CIDEA: variants seen among roughly 807,000 people sequenced by gnomAD.
The protein encoded by CIDEA is cell death inducing DFFA like effector a, also known as lipid transferase CIDEA.
In CIDEA, 10 loss-of-function variants were observed where a neutral mutation model predicts 18.2. The observed-to-expected ratio is 0.55, with a 90% confidence interval of 0.34 to 0.93. The LOEUF is 0.93. Among genes scored for constraint, CIDEA ranks in the 40% least tolerant of loss-of-function variants. The pLI is 0.02. For missense variants in CIDEA, 309 were observed against 293.1 expected (o/e 1.05, Z -0.40); for synonymous variants, 128 against 124.8 (o/e 1.03, Z -0.17).
chr18:12,273,621 C>T lies in CIDEA; in HGVS notation c.331-472C>T, dbSNP rs183488782. Reference sequence around the variant, plus strand: ...TGCTCTGGGAAGGTGCCCACTCTGCCCTCACTTCAGCCATATGATTCTGGT... The same window carrying T: ...TGCTCTGGGAAGGTGCCCACTCTGCTCTCACTTCAGCCATATGATTCTGGT... On this transcript the variant is annotated intron_variant, in intron 3 of 4. Coordinates refer to ENST00000320477, the MANE Select transcript of CIDEA (RefSeq NM_001279.4). Among the ~76,000 whole-genome samples the T allele has an allele frequency of 2.6e-5, 4 of 152,272 alleles. No individual in the cohort carries two copies. In the South Asian group the frequency reaches 6.2e-4, roughly 24 times the overall value.
chr18:12,277,199 C>T lies in CIDEA; in HGVS notation c.589C>T (p.Arg197Trp), dbSNP rs763618813. The T allele has an allele frequency of 5.7e-5, 92 of 1,614,070 alleles. No individual in the cohort carries two copies. The highest frequency in any genetic ancestry group is 7.0e-5 in the Non-Finnish European group (83 of 1,180,056). ...CATCTATCTGGGCACATACATGCTC[C>T]GGGTGCTGGATGACAAGGAAGAGCG... ...FLIYLGTYML[R>W]VLDDKEERPS... The change falls in exon 5 of 5, where the codon CGG becomes TGG. Residue 197 changes from arginine to tryptophan, a missense_variant. Physicochemically the swap from Arg to Trp is moderately radical, Grantham distance 101. Transcript: ENST00000320477.
intron 1 of CIDEA, among the ~76,000 whole-genome samples, chr18:12,258,952 C>G (rs1458446150): frequency 1.3e-5 from 2 of 152,202 alleles, no homozygotes; most frequent in Admixed American, 6.5e-5. Flanking sequence ...ACCGCCCTCT[C>G]CCCCCGGGTC....
At chr18:12,265,325 T>C (rs1912319293) in intron 3 of CIDEA, among the ~76,000 whole-genome samples, 1 of 152,258 alleles carries the variant, frequency 6.6e-6, no homozygotes, top group Non-Finnish European at 1.5e-5. Flanking sequence ...GGTTAAAATG[T>C]TGAGGCCAGC....
chr18:12,260,341 A>C (rs962912653), intron 1 of CIDEA, among the ~76,000 whole-genome samples: 33 of 149,784 alleles, frequency 2.2e-4, no homozygotes, highest in African/African-American at 7.8e-4. Context: ...ACGCCTGACT[A>C]ATTTTTTTTT....
At chr18:12,274,369 C>A in intron 4 of CIDEA, 95 bp downstream of exon 4, 1 of 1,204,204 alleles carries the variant, frequency 8.3e-7, no homozygotes, top group Middle Eastern at 2.1e-4. Flanking sequence ...GGCTCCCAGG[C>A]CGGCTAGCAC....
chr18:12,254,601 C>T (rs1386645801), intron 1 of CIDEA, 180 bp downstream of exon 1: 1 of 1,528,276 alleles, frequency 6.5e-7, no homozygotes, highest in African/African-American at 1.4e-5. Context: ...GTGCCCAAGC[C>T]GTCCAGCCGC....
intron 1 of CIDEA, among the ~76,000 whole-genome samples, chr18:12,260,568 T>C (rs1912162934): frequency 1.3e-5 from 2 of 152,224 alleles, no homozygotes; most frequent in Non-Finnish European, 2.9e-5. Flanking sequence ...TTAAGTTAGA[T>C]AATATACTAT....
intron 1 of CIDEA, among the ~76,000 whole-genome samples, chr18:12,262,115 T>A (rs1912209895): frequency 6.6e-6 from 1 of 151,948 alleles, no homozygotes; most frequent in Non-Finnish European, 1.5e-5. Flanking sequence ...TGCAGTAAGT[T>A]GAGATCACAC....
intron 1 of CIDEA, among the ~76,000 whole-genome samples, chr18:12,261,666 C>T (rs1010011638): frequency 3.3e-5 from 5 of 151,990 alleles, no homozygotes; most frequent in Non-Finnish European, 5.9e-5. Context: ...TAGGTTCATC[C>T]GGGCTCAAGC....
At chr18:12,264,835 G>T (rs906300907) in intron 3 of CIDEA, among the ~76,000 whole-genome samples, 4 of 152,134 alleles carry the variant, frequency 2.6e-5, no homozygotes, top group Non-Finnish European at 4.4e-5. Context: ...TTACAGGCGT[G>T]AGCCACCGCG....
intron 3 of CIDEA, among the ~76,000 whole-genome samples, chr18:12,266,965 T>G (rs902073985): frequency 2.0e-5 from 3 of 152,176 alleles, no homozygotes; most frequent in Admixed American, 6.5e-5. Flanking sequence ...TTCACCATAT[T>G]GGACAGGCTG....
intron 4 of CIDEA, among the ~76,000 whole-genome samples, chr18:12,275,264 A>G (rs117344834): frequency 0.03 from 4,494 of 152,322 alleles, 290 homozygotes; most frequent in East Asian, 0.22. Context: ...CGGAGGTTGC[A>G]GTGAGCTGAG....
intron 2 of CIDEA, 124 bp downstream of exon 2, chr18:12,263,093 G>C: frequency 2.2e-6 from 2 of 927,628 alleles, no homozygotes; most frequent in South Asian, 2.1e-5. Flanking sequence ...ATCTCACTGG[G>C]GGGAAACGGG....
chr18:12,256,433 T>C (rs1419178105), intron 1 of CIDEA, among the ~76,000 whole-genome samples: 1 of 152,204 alleles, frequency 6.6e-6, no homozygotes. Context: ...CAGGCATTTG[T>C]TAGTCAGCTA....
chr18:12,273,283 C>T (rs1912602445), intron 3 of CIDEA, among the ~76,000 whole-genome samples: 2 of 152,184 alleles, frequency 1.3e-5, no homozygotes, highest in Non-Finnish European at 2.9e-5. Flanking sequence ...ACCTCGAAGG[C>T]TCACAAGACC....
At chr18:12,268,538 C>T (rs1912425600) in intron 3 of CIDEA, among the ~76,000 whole-genome samples, 1 of 151,624 alleles carries the variant, frequency 6.6e-6, no homozygotes, top group Non-Finnish European at 1.5e-5. Context: ...CAGGCATGTG[C>T]CACCATGCCT....
intron 3 of CIDEA, among the ~76,000 whole-genome samples, chr18:12,272,564 T>C (rs1013407339): frequency 1.3e-5 from 2 of 152,072 alleles, no homozygotes; most frequent in Non-Finnish European, 2.9e-5. Context: ...ACCAGGCTAG[T>C]CTCAAACTCC....
At chr18:12,255,114 C>G (rs1185080394) in intron 1 of CIDEA, among the ~76,000 whole-genome samples, 1 of 152,248 alleles carries the variant, frequency 6.6e-6, no homozygotes, top group Non-Finnish European at 1.5e-5. Context: ...GGCTATTTTC[C>G]TGCTTGGGTT....
At chr18:12,259,931 G>T (rs151149827) in intron 1 of CIDEA, among the ~76,000 whole-genome samples, 2 of 152,164 alleles carry the variant, frequency 1.3e-5, no homozygotes, top group African/African-American at 4.8e-5. Context: ...GCTGGCCATG[G>T]TGCTTAGATG....
Sources: allele counts gnomAD v4.1 joint callset (sites outside exome capture counted in the v4.1 genomes callset), GRCh38; gene constraint gnomAD v4.1.1; transcripts MANE v1.5; gene names NCBI Gene and HGNC (gene_info 2026-07-23, HGNC 2026-07-21).